PYGO1: variants seen among roughly 807,000 people sequenced by gnomAD.
PYGO1 encodes pygopus family PHD finger 1, also known as pygopus homolog 1.
PYGO1 carries 6 observed loss-of-function variants against 29.5 expected under a neutral mutation model. The observed-to-expected ratio is 0.20, with a 90% CI of 0.11 to 0.40. The LOEUF (loss-of-function observed/expected upper bound fraction) is 0.40, where lower values mean the gene tolerates loss of function less well. PYGO1 is among the 10% of genes least tolerant of loss of function. The pLI, the probability that PYGO1 is intolerant of heterozygous loss-of-function variation, is 1.00. For missense variants in PYGO1, 515 were observed against 514.9 expected (o/e 1.00, Z 0.00); for synonymous variants, 186 against 180.5 (o/e 1.03, Z -0.24).
intron 1 of PYGO1, among the ~76,000 whole-genome samples, chr15:55,570,520 A>T (rs2058975878): frequency 8.4e-6 from 1 of 119,038 alleles, no homozygotes. Flanking sequence ...AGCTTTTCAT[A>T]TACTAAAAAA....
At chr15:55,583,920 C>CTG (rs1289318328) in intron 1 of PYGO1, among the ~76,000 whole-genome samples, 1 of 152,180 alleles carries the variant, frequency 6.6e-6, no homozygotes. Context: ...CTGATGCTTT[C>CTG]TGTACATCAC....
chr15:55,552,361 C>CAAAA (rs56789656), intron 1 of PYGO1, among the ~76,000 whole-genome samples: 2 of 52,996 alleles, frequency 3.8e-5, no homozygotes, highest in Non-Finnish European at 8.7e-5. Context: ...ACTCTGTCTC[C>CAAAA]AAAAAAAAAA....
At chr15:55,548,194 A>G (rs2058861163) in intron 2 of PYGO1, among the ~76,000 whole-genome samples, 1 of 151,764 alleles carries the variant, frequency 6.6e-6, no homozygotes, top group African/African-American at 2.4e-5. Flanking sequence ...TAATTTTTAT[A>G]TTTTTAGTAG....
intron 1 of PYGO1, among the ~76,000 whole-genome samples, chr15:55,551,962 AT>A (rs2058880699): frequency 6.6e-6 from 1 of 152,208 alleles, no homozygotes; most frequent in South Asian, 2.1e-4. Flanking sequence ...AATATGCCAT[AT>A]TAATAGAATA....
At chr15:55,549,356 G>A (rs76308596) in intron 1 of PYGO1, among the ~76,000 whole-genome samples, 294 of 151,966 alleles carry the variant, frequency 1.9e-3, no homozygotes, top group African/African-American at 6.8e-3. Context: ...TTTTTTTGGC[G>A]GGGAGGACAC....
In PYGO1 at chr15:55,546,104, A is replaced by G; in HGVS notation, c.1179T>C (p.Asp393=). Residue 393 remains aspartate, a synonymous_variant, in exon 3 of 3, where the codon GAT becomes GAC. Coordinates refer to ENST00000563719, the MANE Select transcript of PYGO1 (RefSeq NM_001367806.1). ...GGACATCTTTGTCAGCCATACAGGTATCACAGCCCCATACTGCAGATGCTT... is the reference window on the plus strand; with the variant it reads ...GGACATCTTTGTCAGCCATACAGGTGTCACAGCCCCATACTGCAGATGCTT... The part of the protein sequence containing the change: ...TAEASAVWGC[D]TCMADKDVQL... 2 of 1,614,196 alleles carry G rather than the reference A, an allele frequency of 1.2e-6. No homozygotes were observed. The highest frequency in any genetic ancestry group is 1.7e-6 in the Non-Finnish European group (2 of 1,180,008).
rs141524105 is a variant in PYGO1, at chr15:55,564,623, A to C, written c.50-15628T>G. 2.3e-3 allele frequency among the ~76,000 whole-genome samples: 354 copies of C among 152,338 alleles called. 1 individual carries two copies. The highest frequency in any genetic ancestry group is 8.2e-3 in the African/African-American group (339 of 41,580). On this transcript the variant is annotated intron_variant, in intron 1 of 2. Transcript: ENST00000563719. The stretch of plus-strand genomic sequence containing the variant: ...GGGCCATGCAAGGCACAGGTGTCAC[A>C]AAAGAGAGAAACAAAGAAAGTAGTG...
chr15:55,586,174 C>G (rs1464821087), intron 1 of PYGO1, among the ~76,000 whole-genome samples: 1 of 152,180 alleles, frequency 6.6e-6, no homozygotes. Flanking sequence ...CTTAAGTCAG[C>G]CGGAAATTTA....
rs1317578952 is a variant in PYGO1, at chr15:55,587,816, C to A, written c.49+19G>T. On this transcript the variant is annotated intron_variant, in intron 1 of 2. Transcript: ENST00000563719. ...CTCACTCACCCCGGTTCCCCCAATCCGGCACCCTTCTCGGTTACCTCGAAC... is the reference window on the plus strand; with the variant it reads ...CTCACTCACCCCGGTTCCCCCAATCAGGCACCCTTCTCGGTTACCTCGAAC... The A allele has an allele frequency of 3.4e-6, 5 of 1,485,526 alleles. No homozygotes were observed. The highest frequency in any genetic ancestry group is 1.4e-5 in the African/African-American group (1 of 69,502). 92.0% of individuals were successfully genotyped at this position (1,485,526 alleles called of 1,614,324 possible). A position where few individuals can be genotyped will look rare whatever the true frequency, so the allele number is the denominator to read the frequency against.
upstream of PYGO1, among the ~76,000 whole-genome samples, chr15:55,588,465 G>A (rs1437573165): frequency 1.4e-5 from 2 of 147,668 alleles, no homozygotes; most frequent in African/African-American, 2.4e-5. Flanking sequence ...GGGCTTCGGG[G>A]GGCGGGGGCC....
intron 1 of PYGO1, among the ~76,000 whole-genome samples, chr15:55,561,763 T>A (rs7164249): frequency 0.94 from 143,178 of 152,282 alleles, 67,472 homozygotes; most frequent in Non-Finnish European, 0.97. Flanking sequence ...ACTAAAAGAA[T>A]ATCTAGGCAA....
intron 1 of PYGO1, among the ~76,000 whole-genome samples, chr15:55,549,800 C>T (rs1172587163): frequency 6.6e-6 from 1 of 152,118 alleles, no homozygotes; most frequent in Non-Finnish European, 1.5e-5. Flanking sequence ...CTTTAAGAAA[C>T]ATTTTATTAT....
At chr15:55,588,352 C>T (rs1213688672), upstream of PYGO1, among the ~76,000 whole-genome samples, 1 of 148,750 alleles carries the variant, frequency 6.7e-6, no homozygotes, top group African/African-American at 2.4e-5. Context: ...ACACAAAAGC[C>T]CCCAGACTGG....
chr15:55,556,975 G>A lies in PYGO1; in HGVS notation c.50-7980C>T, dbSNP rs541457527. 3.0e-4 allele frequency among the ~76,000 whole-genome samples: 46 copies of A among 151,626 alleles called. 2 individuals are homozygous for A. The highest frequency in any genetic ancestry group is 1.9e-3 in the South Asian group (9 of 4,790). On this transcript the variant is annotated intron_variant, in intron 1 of 2. Transcript: ENST00000563719. The stretch of plus-strand genomic sequence containing the variant: ...AAACTGAATTAAAGAATAGTAACAA[G>A]TTCTGAAATTGAGGCAGTAATAAAT...
At chr15:55,568,433 G>A (rs2058966644) in intron 1 of PYGO1, among the ~76,000 whole-genome samples, 1 of 151,444 alleles carries the variant, frequency 6.6e-6, no homozygotes, top group Admixed American at 6.6e-5. Flanking sequence ...AATGGTACCA[G>A]TTTTTGAACG....
intron 1 of PYGO1, among the ~76,000 whole-genome samples, chr15:55,559,856 A>C (rs1463975888): frequency 6.6e-6 from 1 of 152,192 alleles, no homozygotes; most frequent in African/African-American, 2.4e-5. Context: ...AATTTGGCTT[A>C]ATCTCTGAGA....
intron 1 of PYGO1, among the ~76,000 whole-genome samples, chr15:55,554,782 A>G (rs2058896683): frequency 6.6e-6 from 1 of 152,200 alleles, no homozygotes; most frequent in Non-Finnish European, 1.5e-5. Flanking sequence ...CAGAGCTTGA[A>G]GATAATCATT....
chr15:55,585,016 C>T (rs1004568793), intron 1 of PYGO1, among the ~76,000 whole-genome samples: 6 of 152,094 alleles, frequency 3.9e-5, no homozygotes, highest in Admixed American at 1.3e-4. Context: ...CGTAGATCCA[C>T]GAATCTATAT....
At chr15:55,562,650 G>A (rs557351193) in intron 1 of PYGO1, among the ~76,000 whole-genome samples, 10 of 141,520 alleles carry the variant, frequency 7.1e-5, no homozygotes, top group Non-Finnish European at 1.2e-4. Flanking sequence ...CAGCCTGGGT[G>A]ACAGAGCAAG....
Sources: gnomAD v4.1 joint callset for allele counts (sites outside exome capture counted in the v4.1 genomes callset) on GRCh38, gnomAD v4.1.1 for gene constraint, MANE v1.5 for transcripts, NCBI Gene and HGNC (gene_info 2026-07-23, HGNC 2026-07-21) for gene names.